Variants in FGF14 observed in about 807,000 individuals in gnomAD.
FGF14 encodes the protein fibroblast growth factor homologous factor 4.
A neutral mutation model predicts 25.5 loss-of-function variants in FGF14; 5 were observed. That is an observed-to-expected ratio of 0.20 (90% CI 0.10 to 0.41). The LOEUF (loss-of-function observed/expected upper bound fraction) is 0.41, where lower values mean the gene tolerates loss of function less well. Among genes scored for constraint, FGF14 ranks in the 10% least tolerant of loss-of-function variants. The pLI, the probability that FGF14 is intolerant of heterozygous loss-of-function variation, is 1.00. For missense variants in FGF14, 222 were observed against 320.1 expected, an observed-to-expected ratio of 0.69 and a Z score of 2.34; for synonymous variants, 138 against 118.3, an observed-to-expected ratio of 1.17 and a Z score of -1.08.
intron 1 of FGF14, among the ~76,000 whole-genome samples, chr13:102,191,639 A>G (rs649589): frequency 0.84 from 127,390 of 152,074 alleles, 53,936 homozygotes; most frequent in African/African-American, 0.96. Context: ...ATTCTGCCCT[A>G]GACCCCCAAG....
At chr13:102,006,727 C>CTTTTTTTTTTTTTTTTTTTTTTTTTTTT (rs774872814) in intron 1 of FGF14, among the ~76,000 whole-genome samples, 1 of 61,966 alleles carries the variant, frequency 1.6e-5, no homozygotes, top group African/African-American at 7.2e-5. Flanking sequence ...AATCTTACTT[C>CTTTTTTTTTTTTTTTTTTTTTTTTTTTT]TTTTTTTTTT....
intron 1 of FGF14, among the ~76,000 whole-genome samples, chr13:102,113,518 C>T (rs1479274095): frequency 6.6e-6 from 1 of 152,174 alleles, no homozygotes; most frequent in Non-Finnish European, 1.5e-5. Context: ...TAACATAATT[C>T]AGTTGTCAAT....
intron 1 of FGF14, among the ~76,000 whole-genome samples, chr13:102,124,496 T>C (rs74333334): frequency 0.014 from 2,060 of 152,178 alleles, 44 homozygotes; most frequent in African/African-American, 0.047. Flanking sequence ...CAATTTTCTG[T>C]AGTACTGGAA....
At chr13:102,107,997 A>C (rs1253915873) in intron 1 of FGF14, among the ~76,000 whole-genome samples, 1 of 152,208 alleles carries the variant, frequency 6.6e-6, no homozygotes, top group East Asian at 1.9e-4. Context: ...GAATTATGTG[A>C]ATATATTTTA....
At chr13:102,305,249 G>C (rs1172276329) in intron 1 of FGF14, among the ~76,000 whole-genome samples, 1 of 151,944 alleles carries the variant, frequency 6.6e-6, no homozygotes, top group African/African-American at 2.4e-5. Context: ...CTAAATATCA[G>C]TATTTCAATA....
rs1255273917 is a variant in FGF14 at position 101,719,720 on chromosome 13, T to C, written c.*3111A>G. 6.6e-6 allele frequency: 1 copy of C among 152,050 alleles called. No individual in the cohort carries two copies. Among genetic ancestry groups the C allele is most frequent in the Non-Finnish European group, 1.5e-5 (1 of 67,990 alleles). The allele number at this position is 152,050 out of a possible 1,614,324, so 9.4% of individuals were successfully genotyped here. On this transcript the variant is annotated 3_prime_UTR_variant, in exon 5 of 5. Transcript: ENST00000376143. ...TATGCATGCAGAAGGAATGGAGTAT[T>C]ATAGAGACTTGATACAATGGACATA...
intron 3 of FGF14, among the ~76,000 whole-genome samples, chr13:101,843,899 A>T (rs2043317611): frequency 6.6e-6 from 1 of 152,064 alleles, no homozygotes; most frequent in Non-Finnish European, 1.5e-5. Context: ...AATAGAACAA[A>T]TACTGTTAGT....
intron 1 of FGF14, among the ~76,000 whole-genome samples, chr13:102,309,541 C>G (rs1407942346): frequency 1.3e-5 from 2 of 152,124 alleles, no homozygotes; most frequent in Admixed American, 6.5e-5. Flanking sequence ...CATTTTACTG[C>G]CCACAAGTGA....
At chr13:101,881,953 A>G (rs1192841890) in intron 1 of FGF14, among the ~76,000 whole-genome samples, 1 of 152,200 alleles carries the variant, frequency 6.6e-6, no homozygotes, top group Non-Finnish European at 1.5e-5. Flanking sequence ...CAGCTGAGAG[A>G]GTACATATGT....
intron 3 of FGF14, among the ~76,000 whole-genome samples, chr13:101,783,692 T>C (rs2039649093): frequency 6.6e-6 from 1 of 152,328 alleles, no homozygotes; most frequent in African/African-American, 2.4e-5. Flanking sequence ...ATCCTATTTG[T>C]CAATCTTTGC....
chr13:102,324,097 G>A (rs755052696), intron 1 of FGF14, among the ~76,000 whole-genome samples: 4 of 151,562 alleles, frequency 2.6e-5, no homozygotes, highest in African/African-American at 4.9e-5. Context: ...GAAAAAGAAA[G>A]CTATGATAAT....
intron 1 of FGF14, among the ~76,000 whole-genome samples, chr13:102,245,661 C>T (rs1277498962): frequency 2.6e-5 from 4 of 152,018 alleles, no homozygotes; most frequent in Non-Finnish European, 5.9e-5. Flanking sequence ...AGGATGGTAG[C>T]ATTTCCTGAA....
intron 1 of FGF14, among the ~76,000 whole-genome samples, chr13:102,050,249 A>G (rs1484785726): frequency 6.6e-6 from 1 of 152,236 alleles, no homozygotes; most frequent in Non-Finnish European, 1.5e-5. Context: ...AGTATAGAAA[A>G]ATAGATTAAT....
intron 1 of FGF14, among the ~76,000 whole-genome samples, chr13:102,175,438 C>T (rs1341454964): frequency 6.6e-6 from 1 of 152,024 alleles, no homozygotes; most frequent in African/African-American, 2.4e-5. Context: ...CAAAAATTAA[C>T]TCAAAACAGA....
At chr13:101,891,837 T>C (rs966032395) in intron 1 of FGF14, among the ~76,000 whole-genome samples, 2 of 152,166 alleles carry the variant, frequency 1.3e-5, no homozygotes, top group African/African-American at 4.8e-5. Flanking sequence ...CTGCTGAATG[T>C]AGTAGTAAAT....
chr13:102,109,752 T>TGAGGTGCCTGA (rs1188616272), intron 1 of FGF14, among the ~76,000 whole-genome samples: 14 of 152,114 alleles, frequency 9.2e-5, no homozygotes, highest in African/African-American at 3.1e-4. Context: ...CCTGAGTAGC[T>TGAGGTGCCTGA]GGGACTACAG....
intron 1 of FGF14, among the ~76,000 whole-genome samples, chr13:102,153,814 A>T (rs934256292): frequency 1.3e-5 from 2 of 152,198 alleles, no homozygotes; most frequent in Admixed American, 1.3e-4. Context: ...ATGAGAGAGA[A>T]GGACGAATCA....
chr13:101,763,370 T>A (rs188079677), intron 3 of FGF14, among the ~76,000 whole-genome samples: 11 of 152,332 alleles, frequency 7.2e-5, no homozygotes, highest in Middle Eastern at 3.4e-3. Context: ...ATATGTAATG[T>A]ACTCAACCCA....
At chr13:102,363,511 T>C (rs1024983910) in intron 1 of FGF14, among the ~76,000 whole-genome samples, 26 of 152,322 alleles carry the variant, frequency 1.7e-4, no homozygotes, top group Admixed American at 7.8e-4. Flanking sequence ...AATGTAGGCA[T>C]GGTACATGCT....
Sources: allele counts gnomAD v4.1 joint callset (sites outside exome capture counted in the v4.1 genomes callset), GRCh38; gene constraint gnomAD v4.1.1; transcripts MANE v1.5; gene names NCBI Gene and HGNC (gene_info 2026-07-23, HGNC 2026-07-21).